TBRG4: variants seen among roughly 807,000 people sequenced by gnomAD.
TBRG4 encodes transforming growth factor beta regulator 4.
Under a neutral mutation model 65.6 loss-of-function variants are expected in TBRG4, and 43 were observed. The ratio of observed to expected loss-of-function variants is 0.66; its 90% CI spans 0.51 to 0.85. The LOEUF is 0.85. Among genes scored for constraint, TBRG4 ranks in the 40% least tolerant of loss-of-function variants. TBRG4 has a pLI of 0.00. For synonymous variants in TBRG4, 366 were observed against 341.4 expected (o/e 1.07, Z -0.79); for missense variants, 709 against 787.9 (o/e 0.90, Z 1.20).
intron 1 of TBRG4, among the ~76,000 whole-genome samples, chr7:45,109,489 A>T (rs1785062942): frequency 6.6e-6 from 1 of 152,226 alleles, no homozygotes; most frequent in South Asian, 2.1e-4. Context: ...CAAATATCAA[A>T]ACTCAGGAAC....
At chr7:45,106,953 A>G (rs1197439100) in intron 2 of TBRG4, 1 of 152,226 alleles carries the variant, frequency 6.6e-6, no homozygotes, top group African/African-American at 2.4e-5. Flanking sequence ...TGCGTTAGGC[A>G]GTGAACCACC....
intron 1 of TBRG4, among the ~76,000 whole-genome samples, chr7:45,109,715 G>A (rs1433838434): frequency 2.0e-5 from 3 of 151,954 alleles, no homozygotes; most frequent in Admixed American, 6.6e-5. Context: ...GGTGGCTCAC[G>A]CCTGTAATCC....
In TBRG4 at chr7:45,103,140, G is replaced by C. The variant is rs1175351096; in HGVS notation, c.1176+193C>G. ...CGCTGCCTGGCAGGGCAGTCAACCA[G>C]ACAGCAGGATTTCATGTGTTCTCAG... On this transcript the variant is annotated intron_variant, in intron 6 of 10. Coordinates refer to ENST00000258770, the MANE Select transcript of TBRG4 (RefSeq NM_004749.4). The C allele has an allele frequency of 9.9e-6, 6 of 605,440 alleles. No homozygotes were observed. The East Asian group carries it at 1.7e-4, about 17-fold the overall frequency. 37.5% of individuals were successfully genotyped at this position (605,440 alleles called of 1,614,324 possible).
intron 10 of TBRG4, 133 bp downstream of exon 10, chr7:45,101,125 G>A (rs936169394): frequency 2.6e-6 from 2 of 755,964 alleles, no homozygotes; most frequent in Admixed American, 2.9e-5. Context: ...CCCTCCCTGG[G>A]CTCCTGGGAG....
chr7:45,101,209 G>A (rs1255896132), intron 10 of TBRG4, 49 bp downstream of exon 10: 1 of 1,566,466 alleles, frequency 6.4e-7, no homozygotes, highest in African/African-American at 1.4e-5. Flanking sequence ...CTCTAGCGTG[G>A]GTTGGGGATT....
At chr7:45,105,205 G>C (rs1356420614) in intron 3 of TBRG4, 1 of 609,268 alleles carries the variant, frequency 1.6e-6, no homozygotes, top group East Asian at 2.8e-5. Context: ...TCAGGGAAGC[G>C]CCTGTGTTGG....
At chr7:45,102,850 C>CT in intron 6 of TBRG4, among the ~76,000 whole-genome samples, 1 of 152,298 alleles carries the variant, frequency 6.6e-6, no homozygotes, top group Non-Finnish European at 1.5e-5. Context: ...CTCTGGTCCT[C>CT]TGAGAGATGA....
intron 1 of TBRG4, among the ~76,000 whole-genome samples, chr7:45,109,539 T>C (rs1183403575): frequency 6.6e-6 from 1 of 151,634 alleles, no homozygotes; most frequent in African/African-American, 2.4e-5. Context: ...CTGCTTGTAA[T>C]TTGAAATCAC....
chr7:45,102,240 G>C (rs1181306283), intron 7 of TBRG4, 107 bp downstream of exon 7: 2 of 1,560,778 alleles, frequency 1.3e-6, no homozygotes, highest in African/African-American at 2.7e-5. Flanking sequence ...GAGAGCGAGG[G>C]GGAGGGAGAG....
In TBRG4 at chr7:45,101,488, T is replaced by A; in HGVS notation, c.1679+15A>T. 1.2e-6 allele frequency: 2 copies of A among 1,609,284 alleles called. No homozygotes were observed. The highest frequency in any genetic ancestry group is 1.7e-6 in the Non-Finnish European group (2 of 1,177,032). On this transcript the variant is annotated intron_variant, in intron 9 of 10. Coordinates refer to ENST00000258770, the MANE Select transcript of TBRG4 (RefSeq NM_004749.4). ...CCATGGTGCCCCCATGGCCAACAGG[T>A]CCCTGGCCACCTACCTCTTAGACCC...
chr7:45,103,479 G>A, intron 5 of TBRG4, 36 bp from the exon 6 acceptor site: 1 of 1,502,722 alleles, frequency 6.7e-7, no homozygotes, highest in Non-Finnish European at 9.0e-7. Context: ...GACAGAATAA[G>A]CTCTCTGCCC....
chr7:45,111,626 C>G lies in TBRG4; in HGVS notation c.-51+17G>C, dbSNP rs1306004416. 5 of 1,289,482 alleles carry G rather than the reference C, an allele frequency of 3.9e-6. No individual in the cohort carries two copies. The highest frequency in any genetic ancestry group is 5.1e-6 in the Non-Finnish European group (5 of 988,840). 79.9% of individuals were successfully genotyped at this position (1,289,482 alleles called of 1,614,324 possible). Reference sequence around the variant, plus strand: ...CCCACGATCAGCCGCCCCTTCTCCCCGTGCCACAAGACCTACGCAGCGAGC... The same window carrying G: ...CCCACGATCAGCCGCCCCTTCTCCCGGTGCCACAAGACCTACGCAGCGAGC... On this transcript the variant is annotated intron_variant, in intron 1 of 10. Transcript: ENST00000258770.
Position 45,100,349 on chromosome 7 carries a change from C to T in TBRG4, c.1872G>A (p.Ala624=), listed in dbSNP as rs375428481. 2.2e-5 allele frequency: 35 copies of T among 1,614,046 alleles called. No homozygotes were observed. The highest frequency in any genetic ancestry group is 8.9e-5 in the East Asian group (4 of 44,894). ...GTCACTTGGCCAGCTCCTCAGCCAC[C>T]GCTTTGCGCATCTTGTCCTTGAGGT... is the stretch of plus-strand genomic sequence containing the variant. The part of the protein sequence containing the change: ...GAYLKDKMRK[A]VAEELAK Residue 624 remains alanine, a synonymous_variant, in exon 11 of 11, where the codon GCG becomes GCA. Transcript: ENST00000258770.
At chr7:45,100,903 G>A (rs972552381) in intron 10 of TBRG4, among the ~76,000 whole-genome samples, 7 of 152,362 alleles carry the variant, frequency 4.6e-5, no homozygotes, top group Admixed American at 2.0e-4. Context: ...CCTGACAACA[G>A]GCGCTGACCA....
At chr7:45,106,876 C>T (rs191742249) in intron 2 of TBRG4, 13 of 152,306 alleles carry the variant, frequency 8.5e-5, no homozygotes, top group Admixed American at 6.5e-4. Flanking sequence ...AAACCAATCT[C>T]GCAGTTTCTG....
intron 3 of TBRG4, 28 bp downstream of exon 3, chr7:45,105,412 TG>T: frequency 6.4e-7 from 1 of 1,564,690 alleles, no homozygotes; most frequent in Non-Finnish European, 8.7e-7. Context: ...GGAGGCAGGC[TG>T]GGTGCCACCT....
chr7:45,102,610 C>T lies in TBRG4; in HGVS notation c.1177-119G>A, dbSNP rs116022094. 5.0e-4 allele frequency: 700 copies of T among 1,391,216 alleles called. 7 individuals carry two copies. The African/African-American group carries it at 9.4e-3, about 19-fold the overall frequency. 86.2% of individuals were successfully genotyped at this position (1,391,216 alleles called of 1,614,324 possible). ...CTGGTTGGGATGAGGCCAGAGGAGG[C>T]TACTAGGTAACAAGAGGCAGAACCC... On this transcript the variant is annotated intron_variant, in intron 6 of 10. Transcript: ENST00000258770.
rs1785053649 is a variant in TBRG4, at chr7:45,109,240, T to C, written c.-3A>G. On this transcript the variant is annotated 5_prime_UTR_variant, in exon 2 of 11. Transcript: ENST00000258770. ...CGCTTTACCAGGTGAGCTGCCATGA[T>C]GTCCTGGGTGGCAGAGAGACAAGAC... The C allele has an allele frequency of 3.2e-6, 5 of 1,574,150 alleles. No homozygotes were observed. Among genetic ancestry groups the C allele is most frequent in the South Asian group, 1.2e-5 (1 of 84,880 alleles).
At chr7:45,102,299 G>T (rs1156704826) in intron 7 of TBRG4, 48 bp downstream of exon 7, 3 of 1,612,024 alleles carry the variant, frequency 1.9e-6, no homozygotes, top group Admixed American at 3.3e-5. Context: ...AGGCAGACAA[G>T]ACCAGGCAGT....
Sources: allele counts gnomAD v4.1 joint callset (sites outside exome capture counted in the v4.1 genomes callset), GRCh38; gene constraint gnomAD v4.1.1; transcripts MANE v1.5; gene names NCBI Gene and HGNC (gene_info 2026-07-23, HGNC 2026-07-21).